Variants in MYO3B observed in about 807,000 individuals in gnomAD.
MYO3B encodes myosin IIIB, also known as myosin-IIIb.
Under a neutral mutation model 174.6 loss-of-function variants are expected in MYO3B, and 156 were observed. The observed-to-expected ratio is 0.89, with a 90% CI of 0.78 to 1.02. The LOEUF (loss-of-function observed/expected upper bound fraction) is 1.02. Ranked by LOEUF, MYO3B falls within the 50% of genes least tolerant of loss-of-function variation. The pLI is 0.00. For missense variants in MYO3B, 1,632 were observed against 1,639.4 expected, an observed-to-expected ratio of 1.00 and a Z score of 0.08; for synonymous variants, 563 against 569.1, an observed-to-expected ratio of 0.99 and a Z score of 0.15.
At chr2:170,485,499 A>G (rs1685993603) in intron 25 of MYO3B, among the ~76,000 whole-genome samples, 1 of 151,810 alleles carries the variant, frequency 6.6e-6, no homozygotes, top group Non-Finnish European at 1.5e-5. Flanking sequence ...CACACTTTTT[A>G]TACCATTTGC....
At chr2:170,530,985 C>G (rs561418567) in intron 30 of MYO3B, among the ~76,000 whole-genome samples, 4 of 152,256 alleles carry the variant, frequency 2.6e-5, no homozygotes, top group East Asian at 1.9e-4. Flanking sequence ...GTCCTCTCCC[C>G]CTCCCTCTCC....
chr2:170,463,824 GTCT>G (rs1684455179), intron 24 of MYO3B, among the ~76,000 whole-genome samples: 1 of 152,118 alleles, frequency 6.6e-6, no homozygotes, highest in African/African-American at 2.4e-5. Flanking sequence ...AAACCCACTT[GTCT>G]GAGCCCTATT....
At chr2:170,515,298 C>G (rs1301628087) in intron 29 of MYO3B, among the ~76,000 whole-genome samples, 2 of 152,234 alleles carry the variant, frequency 1.3e-5, no homozygotes, top group African/African-American at 4.8e-5. Context: ...GGTCTAGTTG[C>G]AGCTCTCCTT....
intron 32 of MYO3B, among the ~76,000 whole-genome samples, chr2:170,563,697 G>T (rs1559119342): frequency 6.6e-6 from 1 of 152,204 alleles, no homozygotes; most frequent in Non-Finnish European, 1.5e-5. Context: ...GCAATTTCTG[G>T]TGTTGGTTCA....
At chr2:170,232,978 A>C (rs1288346136) in intron 6 of MYO3B, among the ~76,000 whole-genome samples, 1 of 152,248 alleles carries the variant, frequency 6.6e-6, no homozygotes, top group Non-Finnish European at 1.5e-5. Context: ...AGTTGAAACC[A>C]GATACAAGTT....
intron 9 of MYO3B, among the ~76,000 whole-genome samples, chr2:170,371,216 T>TAAAA (rs56689548): frequency 1.1e-5 from 1 of 89,710 alleles, no homozygotes; most frequent in Non-Finnish European, 2.1e-5. Flanking sequence ...AGACAGTGTC[T>TAAAA]AAAAAAAAAA....
intron 32 of MYO3B, among the ~76,000 whole-genome samples, chr2:170,546,951 T>G (rs902661500): frequency 6.6e-6 from 1 of 152,156 alleles, no homozygotes; most frequent in African/African-American, 2.4e-5. Context: ...TTACTCCATC[T>G]CAAGCTCAGC....
At chr2:170,255,085 G>T (rs902775835) in intron 7 of MYO3B, among the ~76,000 whole-genome samples, 3 of 152,118 alleles carry the variant, frequency 2.0e-5, no homozygotes, top group Admixed American at 2.0e-4. Context: ...GGGATCCTAC[G>T]CCCTTGACTC....
At chr2:170,262,744 C>T (rs2093354718) in intron 7 of MYO3B, among the ~76,000 whole-genome samples, 1 of 152,114 alleles carries the variant, frequency 6.6e-6, no homozygotes, top group Non-Finnish European at 1.5e-5. Flanking sequence ...TGTGCTCTTC[C>T]CTGTTCAGGT....
At chr2:170,544,123 C>T (rs1293402881) in intron 32 of MYO3B, 135 bp downstream of exon 32, 14 of 574,776 alleles carry the variant, frequency 2.4e-5, no homozygotes, top group Middle Eastern at 2.9e-4. Flanking sequence ...GGAAGCCATA[C>T]ATGCTGGATG....
intron 22 of MYO3B, among the ~76,000 whole-genome samples, chr2:170,411,067 A>G (rs1029945656): frequency 1.3e-5 from 2 of 152,098 alleles, no homozygotes; most frequent in African/African-American, 2.4e-5. Flanking sequence ...AAAAACTTTA[A>G]TTTCTTTATC....
chr2:170,359,919 A>G (rs548094421), intron 8 of MYO3B, among the ~76,000 whole-genome samples: 7 of 152,030 alleles, frequency 4.6e-5, no homozygotes, highest in Admixed American at 3.3e-4. Flanking sequence ...CTGTGGCACC[A>G]TTCACAGTAA....
chr2:170,282,227 A>G (rs1382761241), intron 7 of MYO3B, among the ~76,000 whole-genome samples: 1 of 152,050 alleles, frequency 6.6e-6, no homozygotes, highest in Admixed American at 6.6e-5. Context: ...TAGTAGTTTT[A>G]TAGTTTGGGG....
chr2:170,450,338 T>C (rs1255407765), intron 23 of MYO3B, among the ~76,000 whole-genome samples: 1 of 152,218 alleles, frequency 6.6e-6, no homozygotes, highest in Non-Finnish European at 1.5e-5. Flanking sequence ...ACATACTTTA[T>C]AATTTAATTT....
intron 8 of MYO3B, among the ~76,000 whole-genome samples, 177 bp downstream of exon 8, chr2:170,335,627 G>A (rs1254961092): frequency 1.3e-5 from 2 of 152,170 alleles, no homozygotes; most frequent in Non-Finnish European, 2.9e-5. Flanking sequence ...TGAAAAGTAA[G>A]GCGTTCCATT....
chr2:170,631,424 T>C (rs986302848), intron 32 of MYO3B, among the ~76,000 whole-genome samples: 5 of 152,098 alleles, frequency 3.3e-5, no homozygotes, highest in Admixed American at 3.3e-4. Context: ...CTACATCTGA[T>C]TGGTGTACCT....
At chr2:170,429,898 T>C (rs1182514135) in intron 22 of MYO3B, among the ~76,000 whole-genome samples, 1 of 152,174 alleles carries the variant, frequency 6.6e-6, no homozygotes, top group East Asian at 1.9e-4. Context: ...ATGTCAGCCT[T>C]TCCCCTTCCC....
At chr2:170,557,053 G>A (rs747397752) in intron 32 of MYO3B, among the ~76,000 whole-genome samples, 2 of 151,642 alleles carry the variant, frequency 1.3e-5, no homozygotes, top group Non-Finnish European at 2.9e-5. Flanking sequence ...TTTGGATACA[G>A]TCCTACGTTA....
rs540693823 is a variant in MYO3B at position 170,640,148 on chromosome 2, C to A, written c.3734-11480C>A. Among the ~76,000 whole-genome samples, 6 of 152,318 alleles carry A rather than the reference C, an allele frequency of 3.9e-5. No individual in the cohort carries two copies. In the East Asian group the frequency reaches 5.8e-4, roughly 15 times the overall value. Reference sequence around the variant, plus strand: ...TAAAATCACTGGGAAGGAGGAGGAACTTTGTTTTAAACAAGTAACAATGCC... The same window carrying A: ...TAAAATCACTGGGAAGGAGGAGGAAATTTGTTTTAAACAAGTAACAATGCC... On this transcript the variant is annotated intron_variant, in intron 32 of 34. Coordinates refer to ENST00000408978, the MANE Select transcript of MYO3B (RefSeq NM_138995.5).
Sources: gnomAD v4.1 joint callset for allele counts (sites outside exome capture counted in the v4.1 genomes callset) on GRCh38, gnomAD v4.1.1 for gene constraint, MANE v1.5 for transcripts, NCBI Gene and HGNC (gene_info 2026-07-23, HGNC 2026-07-21) for gene names.